The following SNW1 variants were observed in gnomAD, a reference collection of about 807,000 sequenced individuals.
SNW1 encodes the protein SNW domain-containing protein 1.
In SNW1, 9 loss-of-function variants were observed where a neutral mutation model predicts 75.6. That is an observed-to-expected ratio of 0.12 (90% CI 0.07 to 0.21). The LOEUF (loss-of-function observed/expected upper bound fraction) is 0.21, where lower values mean the gene tolerates loss of function less well. Ranked by LOEUF, SNW1 falls within the 10% of genes least tolerant of loss-of-function variation. The pLI is 1.00. For missense variants in SNW1, 409 were observed against 670.9 expected (o/e 0.61, Z 4.31); for synonymous variants, 200 against 219.1 (o/e 0.91, Z 0.77).
In SNW1 at chr14:77,739,035, C is replaced by T. The variant is rs745971776; in HGVS notation, c.357G>A (p.Leu119=). Reference sequence around the variant, plus strand: ...CTGCATTCATAACCTCCTTTGGAACCAGGTCAGTGTATTTGCTATAAATGA... The same window carrying T: ...CTGCATTCATAACCTCCTTTGGAACTAGGTCAGTGTATTTGCTATAAATGA... The part of the protein sequence containing the change: ...DKVIYSKYTD[L]VPKEVMNADD... The change falls in exon 4 of 14, where the codon CTG becomes CTA. Residue 119 remains leucine, a synonymous_variant. Transcript: ENST00000261531. The T allele has an allele frequency of 1.2e-6, 2 of 1,613,784 alleles. No homozygotes were observed. The highest frequency in any genetic ancestry group is 2.2e-5 in the South Asian group (2 of 91,064).
intron 7 of SNW1, 70 bp from the exon 8 acceptor site, chr14:77,735,082 T>A: frequency 8.6e-7 from 1 of 1,165,730 alleles, no homozygotes; most frequent in South Asian, 1.3e-5. Flanking sequence ...GTATAATCTT[T>A]ATCTTCAAAG....
At chr14:77,739,209 G>T in intron 3 of SNW1, 148 bp from the exon 4 acceptor site, 1 of 650,566 alleles carries the variant, frequency 1.5e-6, no homozygotes, top group South Asian at 1.9e-5. Flanking sequence ...AACCAAGGAA[G>T]CTTAAAATAT....
chr14:77,747,592 G>A (rs1053429793), intron 3 of SNW1, among the ~76,000 whole-genome samples: 5 of 147,842 alleles, frequency 3.4e-5, no homozygotes, highest in Non-Finnish European at 6.0e-5. Context: ...GGTGAGGAGC[G>A]TCTCTGCCCG....
At chr14:77,755,260 G>A in intron 1 of SNW1, 140 bp from the exon 2 acceptor site, 2 of 717,862 alleles carry the variant, frequency 2.8e-6, no homozygotes, top group Non-Finnish European at 4.6e-6. Context: ...ATGATTTATG[G>A]TAGTACTCAA....
chr14:77,732,726 G>A lies in SNW1; in HGVS notation c.775-125C>T, dbSNP rs887982514. On this transcript the variant is annotated intron_variant, in intron 8 of 13. Transcript: ENST00000261531. The stretch of plus-strand genomic sequence containing the variant: ...GTCACCCTGGCTGGAGGGCAGGGGT[G>A]CCATCTCGGCTCACTGCAACCTCTG... 2.2e-5 allele frequency: 14 copies of A among 626,980 alleles called. No homozygotes were observed. In the Admixed American group the frequency reaches 2.7e-4, roughly 12 times the overall value. The allele number at this position is 626,980 out of a possible 1,614,324, so 38.8% of individuals were successfully genotyped here.
intron 12 of SNW1, among the ~76,000 whole-genome samples, chr14:77,720,335 A>C (rs2080529357): frequency 6.6e-6 from 1 of 152,110 alleles, no homozygotes; most frequent in Non-Finnish European, 1.5e-5. Flanking sequence ...GGGTTTCACC[A>C]TGTTGGCCAG....
At chr14:77,733,374 T>C (rs2080642399) in intron 8 of SNW1, among the ~76,000 whole-genome samples, 1 of 152,210 alleles carries the variant, frequency 6.6e-6, no homozygotes, top group Admixed American at 6.5e-5. Flanking sequence ...ACTATAATCT[T>C]AGCATCTATA....
Position 77,718,142 on chromosome 14 carries a change from A to G in SNW1, c.1557T>C (p.Asp519=), listed in dbSNP as rs138866665. The G allele has an allele frequency of 4.7e-4, 754 of 1,611,992 alleles. 1 individual carries two copies. Among genetic ancestry groups the G allele is most frequent in the Non-Finnish European group, 6.0e-4 (702 of 1,179,264 alleles). The part of the protein sequence containing the change: ...KQHGGSKRPS[D]SSRPKEHEHE... ...GCTCGTGTTCCTTGGGGCGGCTGCT[A>G]TCTGAGGGTCTTTTAGAGCCACCAT... is the stretch of plus-strand genomic sequence containing the variant. Residue 519 remains aspartate, a synonymous_variant, in exon 14 of 14, where the codon GAT becomes GAC. Transcript: ENST00000261531.
chr14:77,754,913 CTA>C (rs2080832689), intron 2 of SNW1, 52 bp downstream of exon 2: 10 of 1,423,900 alleles, frequency 7.0e-6, no homozygotes, highest in Non-Finnish European at 9.5e-6. Context: ...TTATAGTGTG[CTA>C]TAATAAATTT....
chr14:77,720,602 T>C, intron 12 of SNW1, 109 bp downstream of exon 12: 8 of 816,170 alleles, frequency 9.8e-6, no homozygotes, highest in Non-Finnish European at 1.5e-5. Flanking sequence ...TCCAATTTTT[T>C]TGTCATCATG....
At chr14:77,749,822 A>G (rs2080793666) in intron 3 of SNW1, among the ~76,000 whole-genome samples, 1 of 152,246 alleles carries the variant, frequency 6.6e-6, no homozygotes, top group African/African-American at 2.4e-5. Context: ...AAGAGGAGGG[A>G]TGAAGAACTG....
rs1000650557 is a variant in SNW1 at position 77,751,451 on chromosome 14, C to T, written c.198G>A (p.Glu66=). The T allele has an allele frequency of 6.2e-7, 1 of 1,610,822 alleles. No individual in the cohort carries two copies. Among genetic ancestry groups the T allele is most frequent in the Non-Finnish European group, 8.5e-7 (1 of 1,178,894 alleles). Residue 66 remains glutamate (E), a synonymous_variant, in exon 3 of 14, where the codon GAG becomes GAA. Coordinates refer to ENST00000261531, the MANE Select transcript of SNW1 (RefSeq NM_012245.3). ...CCAGTGGATACTGGGCCACATGGAT[C>T]TCTGGAAAAGCACCTCCATCTCCAA... The part of the protein sequence containing the change: ...EDFGDGGAFP[E]IHVAQYPLDM...
intron 10 of SNW1, among the ~76,000 whole-genome samples, chr14:77,725,768 T>G (rs2080580108): frequency 6.6e-6 from 1 of 152,028 alleles, no homozygotes; most frequent in Non-Finnish European, 1.5e-5. Flanking sequence ...AACACAAAAA[T>G]TAGCCAGGCG....
At chr14:77,758,306 ACT>A (rs1184594110) in intron 1 of SNW1, among the ~76,000 whole-genome samples, 3 of 102,666 alleles carry the variant, frequency 2.9e-5, no homozygotes, top group African/African-American at 4.3e-5. Context: ...TGAGAGTGAG[ACT>A]CTGCCACAAA....
chr14:77,748,414 AAAAT>A (rs200249478), intron 3 of SNW1, among the ~76,000 whole-genome samples: 35 of 151,960 alleles, frequency 2.3e-4, no homozygotes, highest in African/African-American at 6.8e-4. Flanking sequence ...AATAAATACT[AAAAT>A]AAATAAATAA....
chr14:77,736,253 A>C (rs2080670514), intron 6 of SNW1, among the ~76,000 whole-genome samples: 1 of 152,200 alleles, frequency 6.6e-6, no homozygotes, highest in Admixed American at 6.5e-5. Flanking sequence ...TTCCACTTTA[A>C]AAAGCAGCTT....
At chr14:77,737,200 T>A in intron 5 of SNW1, 125 bp from the exon 6 acceptor site, 2 of 639,168 alleles carry the variant, frequency 3.1e-6, no homozygotes, top group Non-Finnish European at 5.5e-6. Flanking sequence ...AACAGAAAAT[T>A]AACAAAATAT....
intron 1 of SNW1, chr14:77,760,542 G>A (rs2080879628): frequency 3.1e-6 from 2 of 650,594 alleles, no homozygotes; most frequent in South Asian, 3.3e-5. Context: ...ATCTACGGAA[G>A]AAATTCTAAG....
intron 10 of SNW1, among the ~76,000 whole-genome samples, chr14:77,730,376 C>G (rs574533808): frequency 6.6e-6 from 1 of 152,210 alleles, no homozygotes; most frequent in Admixed American, 6.5e-5. Context: ...TAAAAGAGAA[C>G]CTTGCACACA....
Sources: gnomAD v4.1 joint callset for allele counts (sites outside exome capture counted in the v4.1 genomes callset) on GRCh38, gnomAD v4.1.1 for gene constraint, MANE v1.5 for transcripts, NCBI Gene and HGNC (gene_info 2026-07-23, HGNC 2026-07-21) for gene names.